FRY: variants seen among roughly 807,000 people sequenced by gnomAD.
FRY encodes FRY microtubule binding protein, also known as protein furry homolog.
A neutral mutation model predicts 348.4 loss-of-function variants in FRY; 128 were observed. The ratio of observed to expected loss-of-function variants is 0.37; its 90% CI spans 0.32 to 0.43. FRY has a LOEUF of 0.43. Among genes scored for constraint, FRY ranks in the 20% least tolerant of loss-of-function variants. FRY has a pLI of 1.00. For synonymous variants in FRY, 1,370 were observed against 1,374.7 expected (o/e 1.00, Z 0.08); for missense variants, 2,736 against 3,695.2 (o/e 0.74, Z 6.73).
intron 28 of FRY, among the ~76,000 whole-genome samples, chr13:32,193,708 C>T (rs1765458440): frequency 6.6e-6 from 1 of 151,458 alleles, no homozygotes; most frequent in Non-Finnish European, 1.5e-5. Flanking sequence ...ACCTCAGCCT[C>T]CTGAGTAGCT....
chr13:32,142,130 A>G (rs1035621266), intron 11 of FRY, among the ~76,000 whole-genome samples: 3 of 152,206 alleles, frequency 2.0e-5, no homozygotes, highest in African/African-American at 2.4e-5. Context: ...TGCTAAGGAA[A>G]TACAAAGACA....
At chr13:32,172,102 T>C (rs1013862970) in intron 18 of FRY, among the ~76,000 whole-genome samples, 1 of 150,906 alleles carries the variant, frequency 6.6e-6, no homozygotes, top group African/African-American at 2.4e-5. Context: ...TGGATGTGGA[T>C]ATAAATGGAT....
intron 23 of FRY, among the ~76,000 whole-genome samples, chr13:32,180,210 C>T (rs1484504989): frequency 6.6e-6 from 1 of 152,110 alleles, no homozygotes; most frequent in Non-Finnish European, 1.5e-5. Context: ...GTGTTCAGTT[C>T]CATTGGTTGA....
At chr13:32,085,049 A>G (rs1158477085) in intron 2 of FRY, among the ~76,000 whole-genome samples, 1 of 152,224 alleles carries the variant, frequency 6.6e-6, no homozygotes, top group East Asian at 1.9e-4. Flanking sequence ...TCCAGAGGTC[A>G]TCTTGCCAAC....
At chr13:32,279,945 T>C (rs1888729975) in intron 58 of FRY, among the ~76,000 whole-genome samples, 1 of 152,204 alleles carries the variant, frequency 6.6e-6, no homozygotes, top group Non-Finnish European at 1.5e-5. Context: ...AAAAGCAAAC[T>C]ATAAAGCTGA....
intron 55 of FRY, among the ~76,000 whole-genome samples, chr13:32,270,747 T>A (rs1888160837): frequency 6.6e-6 from 1 of 152,192 alleles, no homozygotes; most frequent in African/African-American, 2.4e-5. Context: ...TCCCTTCCCC[T>A]GGCATCTCGG....
At chr13:32,163,573 T>C (rs1881573048) in intron 17 of FRY, among the ~76,000 whole-genome samples, 1 of 152,226 alleles carries the variant, frequency 6.6e-6, no homozygotes, top group African/African-American at 2.4e-5. Context: ...CTTTATTCAA[T>C]AGAAGTCTAA....
intron 40 of FRY, 47 bp from the exon 41 acceptor site, chr13:32,231,132 T>A (rs1306919695): frequency 6.3e-7 from 1 of 1,592,076 alleles, no homozygotes; most frequent in East Asian, 2.2e-5. Context: ...GTTTTAAAAA[T>A]GCAAAATGAC....
chr13:32,079,996 T>C (rs557364461), intron 2 of FRY, among the ~76,000 whole-genome samples: 10 of 152,322 alleles, frequency 6.6e-5, no homozygotes, highest in African/African-American at 2.2e-4. Flanking sequence ...ATGATGCACA[T>C]CATCAGTTAA....
Position 32,242,311 on chromosome 13 carries a change from C to T in FRY, c.6688-1731C>T, listed in dbSNP as rs576128765. Among the ~76,000 whole-genome samples, 107 of 152,196 alleles carry T rather than the reference C, an allele frequency of 7.0e-4. 1 individual carries two copies. The highest frequency in any genetic ancestry group is 1.0e-3 in the Non-Finnish European group (68 of 68,002). On this transcript the variant is annotated intron_variant, in intron 46 of 60. Coordinates refer to ENST00000542859, the MANE Select transcript of FRY (RefSeq NM_023037.3). ...ATGTTATTTAGTTCTTCAACATATT[C>T]GAGAAGTTGGTCTTCATAAAGATCC...
At chr13:32,227,808 G>A (rs1394371336) in intron 39 of FRY, among the ~76,000 whole-genome samples, 2 of 148,718 alleles carry the variant, frequency 1.3e-5, no homozygotes, top group Non-Finnish European at 3.0e-5. Context: ...CTGGAGCGCA[G>A]CGGCGCGATC....
At chr13:32,271,479 T>C (rs1477307836) in intron 55 of FRY, among the ~76,000 whole-genome samples, 1 of 152,182 alleles carries the variant, frequency 6.6e-6, no homozygotes, top group Admixed American at 6.5e-5. Flanking sequence ...GCATGTTCTT[T>C]GTGGCCCTGG....
chr13:32,273,222 CTTTTTTTT>C (rs552249398), intron 55 of FRY, among the ~76,000 whole-genome samples: 1 of 124,174 alleles, frequency 8.1e-6, no homozygotes, highest in Non-Finnish European at 1.7e-5. Flanking sequence ...TTTAACTGTT[CTTTTTTTT>C]TTTTTTTTTT....
intron 29 of FRY, among the ~76,000 whole-genome samples, chr13:32,197,020 A>G (rs775846353): frequency 3.3e-5 from 5 of 152,218 alleles, no homozygotes; most frequent in Non-Finnish European, 7.3e-5. Context: ...AATATAGGCC[A>G]TTTCCAATCA....
chr13:32,112,970 A>T (rs1878063945), intron 3 of FRY, among the ~76,000 whole-genome samples: 1 of 152,238 alleles, frequency 6.6e-6, no homozygotes, highest in South Asian at 2.1e-4. Context: ...GTTCTATGAA[A>T]TGAACTAAGA....
intron 49 of FRY, among the ~76,000 whole-genome samples, chr13:32,251,078 G>T (rs1422162341): frequency 2.0e-5 from 3 of 152,164 alleles, no homozygotes; most frequent in African/African-American, 7.2e-5. Flanking sequence ...AGTGGCATTG[G>T]CCTCCTAGCA....
intron 27 of FRY, among the ~76,000 whole-genome samples, chr13:32,187,010 C>T (rs1350294399): frequency 6.6e-6 from 1 of 152,098 alleles, no homozygotes; most frequent in African/African-American, 2.4e-5. Context: ...TCCTACTTTC[C>T]CTTGATTTAT....
intron 1 of FRY, among the ~76,000 whole-genome samples, 158 bp downstream of exon 1, chr13:32,032,023 T>TTC (rs1182595636): frequency 0.016 from 2,198 of 133,734 alleles, 62 homozygotes; most frequent in African/African-American, 0.064. Context: ...CTTTCTTTCT[T>TTC]TTTCTTTCTT....
At chr13:32,121,944 T>C (rs1034365116) in intron 4 of FRY, among the ~76,000 whole-genome samples, 1 of 152,188 alleles carries the variant, frequency 6.6e-6, no homozygotes, top group East Asian at 1.9e-4. Flanking sequence ...CCATCTTGAG[T>C]TGATTTTTGT....
Sources: gnomAD v4.1 joint callset for allele counts (sites outside exome capture counted in the v4.1 genomes callset) on GRCh38, gnomAD v4.1.1 for gene constraint, MANE v1.5 for transcripts, NCBI Gene and HGNC (gene_info 2026-07-23, HGNC 2026-07-21) for gene names.